The following TMEM266 variants were observed in gnomAD, a reference collection of about 807,000 sequenced individuals.
TMEM266 encodes Hv1 related protein 1.
Under a neutral mutation model 50.5 loss-of-function variants are expected in TMEM266, and 33 were observed. That is an observed-to-expected ratio of 0.65 (90% confidence interval 0.50 to 0.87). TMEM266 has a LOEUF of 0.87. Ranked by LOEUF, TMEM266 falls within the 40% of genes least tolerant of loss-of-function variation. The probability of loss-of-function intolerance (pLI) is 0.00; values close to 1 mark genes in which losing one functional copy is unlikely to be tolerated. For synonymous variants in TMEM266, 310 were observed against 292.3 expected (o/e 1.06, Z -0.62); for missense variants, 655 against 695.1 (o/e 0.94, Z 0.65).
intron 3 of TMEM266, among the ~76,000 whole-genome samples, chr15:76,150,516 C>T (rs533747651): frequency 7.9e-5 from 12 of 152,306 alleles, no homozygotes; most frequent in South Asian, 2.1e-4. Flanking sequence ...AGGGTCTCCA[C>T]GGTCCCCCTG....
intron 1 of TMEM266, among the ~76,000 whole-genome samples, chr15:76,116,896 C>CTT (rs143849730): frequency 1.2e-4 from 16 of 131,652 alleles, no homozygotes; most frequent in East Asian, 2.2e-4. Flanking sequence ...AGCATATCTT[C>CTT]TTTTTTTTTT....
chr15:76,067,284 C>A (rs923671389), intron 1 of TMEM266, among the ~76,000 whole-genome samples: 1 of 152,110 alleles, frequency 6.6e-6, no homozygotes, highest in African/African-American at 2.4e-5. Context: ...TACAGAAATG[C>A]AGACCATCTT....
At chr15:76,141,144 C>T (rs1261524640) in intron 3 of TMEM266, among the ~76,000 whole-genome samples, 1 of 152,134 alleles carries the variant, frequency 6.6e-6, no homozygotes, top group Non-Finnish European at 1.5e-5. Context: ...CCTTCCCTTT[C>T]TAACATCGTG....
At chr15:76,120,382 G>A (rs1466925615) in intron 1 of TMEM266, among the ~76,000 whole-genome samples, 3 of 151,872 alleles carry the variant, frequency 2.0e-5, no homozygotes, top group Non-Finnish European at 4.4e-5. Flanking sequence ...AATGGAAAAA[G>A]CAAAAAGCAG....
chr15:76,070,370 G>A (rs2036520774), intron 1 of TMEM266, among the ~76,000 whole-genome samples: 3 of 152,138 alleles, frequency 2.0e-5, no homozygotes, highest in African/African-American at 4.8e-5. Context: ...CATCACAACT[G>A]TATCACATGA....
chr15:76,191,603 T>G, intron 8 of TMEM266: 1 of 188,218 alleles, frequency 5.3e-6, no homozygotes, highest in Non-Finnish European at 1.1e-5. Flanking sequence ...GAGCACCCCT[T>G]GGGGTCACAC....
At chr15:76,066,048 AGACAGAGTAT>A (rs2036411014) in intron 1 of TMEM266, among the ~76,000 whole-genome samples, 2 of 152,140 alleles carry the variant, frequency 1.3e-5, no homozygotes, top group Admixed American at 1.3e-4. Flanking sequence ...TGTCTCTCTC[AGACAGAGTAT>A]GAATTACTTA....
chr15:76,135,131 A>G (rs1426123968), intron 2 of TMEM266, among the ~76,000 whole-genome samples: 1 of 152,234 alleles, frequency 6.6e-6, no homozygotes, highest in Non-Finnish European at 1.5e-5. Context: ...AACAAGTCAC[A>G]TGGCTGAATG....
intron 7 of TMEM266, 196 bp from the exon 8 acceptor site, chr15:76,175,363 C>T: frequency 3.6e-6 from 2 of 557,054 alleles, no homozygotes; most frequent in Non-Finnish European, 6.5e-6. Flanking sequence ...AAAACAGCTA[C>T]CCTGGACACC....
chr15:76,163,445 T>C (rs1210801554), intron 5 of TMEM266, among the ~76,000 whole-genome samples: 1 of 152,144 alleles, frequency 6.6e-6, no homozygotes, highest in Non-Finnish European at 1.5e-5. Flanking sequence ...AAGGTGAGAC[T>C]GGATGCCCAT....
At chr15:76,191,920 C>T (rs2038578517) in intron 8 of TMEM266, 48 bp from the exon 9 acceptor site, 9 of 1,512,210 alleles carry the variant, frequency 6.0e-6, no homozygotes, top group East Asian at 5.1e-5. Flanking sequence ...CTGGAGGCCC[C>T]CGCCGGCCCC....
chr15:76,130,508 C>T (rs2959867), intron 1 of TMEM266, among the ~76,000 whole-genome samples: 30,626 of 152,258 alleles, frequency 0.2, 4,122 homozygotes, highest in African/African-American at 0.37. Context: ...CCAGCGCACT[C>T]CAGCCTGGGT....
intron 1 of TMEM266, among the ~76,000 whole-genome samples, chr15:76,069,433 T>G (rs559916132): frequency 6.6e-6 from 1 of 152,324 alleles, no homozygotes; most frequent in South Asian, 2.1e-4. Flanking sequence ...GTAAGAGGAA[T>G]GTTCCTCTTA....
At chr15:76,203,686 GC>G in intron 10 of TMEM266, 54 bp from the exon 11 acceptor site, 2 of 1,535,150 alleles carry the variant, frequency 1.3e-6, no homozygotes, top group Non-Finnish European at 1.8e-6. Context: ...TCTCTTCAGG[GC>G]CCCCAGGTGT....
intron 1 of TMEM266, chr15:76,112,983 G>C (rs2037194626): frequency 6.6e-6 from 1 of 152,182 alleles, no homozygotes; most frequent in African/African-American, 2.4e-5. Context: ...GTTTGGATTG[G>C]AGGGCCAGGT....
chr15:76,169,757 A>G, intron 5 of TMEM266, 59 bp from the exon 6 acceptor site: 1 of 1,558,222 alleles, frequency 6.4e-7, no homozygotes. Context: ...TGAGCTCTGG[A>G]ATCTTCTCGG....
chr15:76,198,984 T>G (rs556880297), intron 9 of TMEM266, among the ~76,000 whole-genome samples: 1 of 90,200 alleles, frequency 1.1e-5, no homozygotes, highest in Admixed American at 1.3e-4. Context: ...CATGGCCACC[T>G]AGGGACCTCG....
chr15:76,072,985 G>A (rs1015118632), intron 1 of TMEM266, among the ~76,000 whole-genome samples: 12 of 151,514 alleles, frequency 7.9e-5, no homozygotes, highest in African/African-American at 2.9e-4. Context: ...GGGCTGGAGT[G>A]CAATGGTATG....
chr15:76,104,735 A>T (rs1307941075), intron 1 of TMEM266, among the ~76,000 whole-genome samples: 1 of 152,088 alleles, frequency 6.6e-6, no homozygotes, highest in Non-Finnish European at 1.5e-5. Context: ...GAGGCGTTGG[A>T]TGTGTGAGGA....
Sources: gnomAD v4.1 joint callset for allele counts (sites outside exome capture counted in the v4.1 genomes callset) on GRCh38, gnomAD v4.1.1 for gene constraint, MANE v1.5 for transcripts, NCBI Gene and HGNC (gene_info 2026-07-23, HGNC 2026-07-21) for gene names.